The following LRP1B variants were observed in gnomAD, a reference collection of about 807,000 sequenced individuals.
LRP1B encodes LDL receptor related protein 1B.
In LRP1B, 217 loss-of-function variants were observed where a neutral mutation model predicts 556.6. The ratio of observed to expected loss-of-function variants is 0.39; its 90% CI spans 0.35 to 0.44. The LOEUF is 0.44. Among genes scored for constraint, LRP1B ranks in the 20% least tolerant of loss-of-function variants. The pLI is 1.00. For missense variants in LRP1B, 5,053 were observed against 5,620.8 expected (o/e 0.90, Z 3.23); for synonymous variants, 2,047 against 1,865.8 (o/e 1.10, Z -2.50).
intron 84 of LRP1B, among the ~76,000 whole-genome samples, chr2:140,282,426 A>AT (rs1279915305): frequency 6.6e-6 from 1 of 151,822 alleles, no homozygotes; most frequent in Non-Finnish European, 1.5e-5. Flanking sequence ...ACAGAACTTC[A>AT]AATCCAAATA....
intron 3 of LRP1B, among the ~76,000 whole-genome samples, chr2:141,464,094 C>T (rs1444418246): frequency 6.6e-6 from 1 of 151,886 alleles, no homozygotes; most frequent in Non-Finnish European, 1.5e-5. Flanking sequence ...ACAGGTCTTC[C>T]TAACACTGAC....
Position 140,238,226 on chromosome 2 carries a change from T to G in LRP1B, c.13486A>C (p.Asn4496His). The part of the protein sequence containing the change: ...INVEIGNPSY[N>H]MYEVDHDHND... ...TGATCATGATCTACCTCATACATGT[T>G]ATAAGATGGATTGCCAATTTCTACA... is the stretch of plus-strand genomic sequence containing the variant. Residue 4496 changes from asparagine to histidine, a missense_variant, in exon 89 of 91, where the codon AAC becomes CAC. By Grantham distance (68) the Asn-to-His change is moderately conservative. This residue lies in a region of LRP1B where 551 missense variants were observed against 592.0 expected (regional missense o/e 0.93). Coordinates refer to ENST00000389484, the MANE Select transcript of LRP1B (RefSeq NM_018557.3). 6.2e-7 allele frequency: 1 copy of G among 1,601,204 alleles called. No homozygotes were observed. Among genetic ancestry groups the G allele is most frequent in the Non-Finnish European group, 8.5e-7 (1 of 1,170,306 alleles).
At chr2:140,632,318 T>C (rs1683915700) in intron 41 of LRP1B, among the ~76,000 whole-genome samples, 1 of 152,164 alleles carries the variant, frequency 6.6e-6, no homozygotes. Flanking sequence ...TGAATGATTA[T>C]AGCATATGGA....
intron 41 of LRP1B, among the ~76,000 whole-genome samples, chr2:140,647,790 C>T (rs1235184318): frequency 6.6e-6 from 1 of 152,194 alleles, no homozygotes; most frequent in Non-Finnish European, 1.5e-5. Flanking sequence ...CAGGAAACAA[C>T]AGGTGCTGGA....
chr2:140,260,488 T>C (rs1221293664), intron 86 of LRP1B, among the ~76,000 whole-genome samples: 1 of 151,856 alleles, frequency 6.6e-6, no homozygotes, highest in Non-Finnish European at 1.5e-5. Flanking sequence ...TATATAGATA[T>C]ATACACATTT....
intron 1 of LRP1B, among the ~76,000 whole-genome samples, chr2:141,911,706 G>A (rs980026768): frequency 3.3e-5 from 5 of 152,154 alleles, no homozygotes; most frequent in African/African-American, 1.2e-4. Context: ...ACATCACTTA[G>A]ATACATAAGT....
intron 23 of LRP1B, among the ~76,000 whole-genome samples, chr2:140,901,822 ATT>A (rs928652560): frequency 6.6e-6 from 1 of 152,144 alleles, no homozygotes; most frequent in Non-Finnish European, 1.5e-5. Context: ...TTGATAGCAT[ATT>A]TTAATTCCTA....
intron 41 of LRP1B, among the ~76,000 whole-genome samples, chr2:140,625,508 T>C (rs901299592): frequency 3.3e-5 from 5 of 152,078 alleles, no homozygotes; most frequent in Admixed American, 1.3e-4. Flanking sequence ...ATCCATAATA[T>C]ACAAAAAACA....
chr2:140,259,664 G>C (rs1198788231), intron 86 of LRP1B, among the ~76,000 whole-genome samples: 1 of 151,928 alleles, frequency 6.6e-6, no homozygotes, highest in Non-Finnish European at 1.5e-5. Context: ...ATATTACATG[G>C]AGAATACATG....
chr2:140,701,905 T>A (rs2105427064), intron 39 of LRP1B, 60 bp from the exon 40 acceptor site: 4 of 1,601,388 alleles, frequency 2.5e-6, no homozygotes, highest in Non-Finnish European at 3.4e-6. Context: ...TCAAGCCAGT[T>A]ACTTAAGCTG....
chr2:141,046,195 G>A (rs1240461506), intron 11 of LRP1B, among the ~76,000 whole-genome samples: 1 of 152,100 alleles, frequency 6.6e-6, no homozygotes, highest in African/African-American at 2.4e-5. Context: ...TTTACAAACA[G>A]CAAACTCTTT....
intron 41 of LRP1B, among the ~76,000 whole-genome samples, chr2:140,656,462 GT>G (rs1450820157): frequency 6.6e-6 from 1 of 151,960 alleles, no homozygotes. Flanking sequence ...GTTTTGCTTT[GT>G]TTTTTTCCCC....
chr2:140,647,024 A>C (rs1264908641), intron 41 of LRP1B, among the ~76,000 whole-genome samples: 2 of 152,132 alleles, frequency 1.3e-5, no homozygotes, highest in Non-Finnish European at 2.9e-5. Flanking sequence ...CTCTAGAGAA[A>C]TATAATCTGG....
At chr2:141,162,779 A>ATTT (rs1558903067) in intron 7 of LRP1B, among the ~76,000 whole-genome samples, 1 of 152,158 alleles carries the variant, frequency 6.6e-6, no homozygotes, top group African/African-American at 2.4e-5. Context: ...ATAGTTTATC[A>ATTT]GTGAAGTTCA....
chr2:140,803,260 G>GTTTTTTTTTTTTTTTTTTTTTTTTTTTT (rs11352164), intron 32 of LRP1B, among the ~76,000 whole-genome samples: 1 of 102,238 alleles, frequency 9.8e-6, no homozygotes. Context: ...CCTATTGAAA[G>GTTTTTTTTTTTTTTTTTTTTTTTTTTTT]TTTTTTTTTT....
chr2:141,697,604 G>A (rs938969926), intron 2 of LRP1B, among the ~76,000 whole-genome samples: 1 of 151,948 alleles, frequency 6.6e-6, no homozygotes, highest in African/African-American at 2.4e-5. Flanking sequence ...GTAGCGAAAT[G>A]GGTAATGTCA....
intron 86 of LRP1B, among the ~76,000 whole-genome samples, chr2:140,258,475 C>T (rs978175890): frequency 6.6e-6 from 1 of 152,090 alleles, no homozygotes; most frequent in Non-Finnish European, 1.5e-5. Context: ...ACTAACCTTT[C>T]GTTTATGCCA....
At chr2:141,653,955 C>T (rs1689898412) in intron 2 of LRP1B, among the ~76,000 whole-genome samples, 4 of 152,108 alleles carry the variant, frequency 2.6e-5, no homozygotes, top group Admixed American at 2.0e-4. Context: ...ATTCTTGAAG[C>T]TTACAATAAT....
chr2:141,966,614 C>T (rs1399883964), intron 1 of LRP1B, among the ~76,000 whole-genome samples: 1 of 151,286 alleles, frequency 6.6e-6, no homozygotes, highest in Non-Finnish European at 1.5e-5. Flanking sequence ...TATAAGCTAC[C>T]CTACCTGTTT....
Sources: gnomAD v4.1 joint callset for allele counts (sites outside exome capture counted in the v4.1 genomes callset) on GRCh38, gnomAD v4.1.1 for gene constraint, gnomAD v4.1.1 regional missense constraint, MANE v1.5 for transcripts, NCBI Gene and HGNC (gene_info 2026-07-23, HGNC 2026-07-21) for gene names.